The following KLHL1 variants were observed in gnomAD, a reference collection of about 807,000 sequenced individuals.
KLHL1 encodes kelch like family member 1.
Under a neutral mutation model 77.7 loss-of-function variants are expected in KLHL1, and 47 were observed. The ratio of observed to expected loss-of-function variants is 0.60; its 90% confidence interval spans 0.48 to 0.77. The LOEUF (loss-of-function observed/expected upper bound fraction) is 0.77, where lower values mean the gene tolerates loss of function less well. Among genes scored for constraint, KLHL1 ranks in the 30% least tolerant of loss-of-function variants. KLHL1 has a pLI of 0.00. For missense variants in KLHL1, 925 were observed against 910.8 expected (o/e 1.02, Z -0.20); for synonymous variants, 360 against 325.2 (o/e 1.11, Z -1.15).
At chr13:69,934,983 T>TATATAC (rs1883130977) in intron 4 of KLHL1, among the ~76,000 whole-genome samples, 1 of 135,350 alleles carries the variant, frequency 7.4e-6, no homozygotes, top group African/African-American at 3.1e-5. Flanking sequence ...TATATATATA[T>TATATAC]ATATATGTAT....
At chr13:70,100,456 A>G (rs1000618966) in intron 1 of KLHL1, among the ~76,000 whole-genome samples, 1 of 151,922 alleles carries the variant, frequency 6.6e-6, no homozygotes, top group Non-Finnish European at 1.5e-5. Context: ...AAAAAGTTTT[A>G]TTTCTTCATT....
At chr13:69,838,907 A>C (rs564687418) in intron 6 of KLHL1, 69 bp downstream of exon 6, 52 of 1,017,914 alleles carry the variant, frequency 5.1e-5, no homozygotes, top group African/African-American at 6.6e-5. Flanking sequence ...TAGTATCACC[A>C]TTACAATATA....
At chr13:69,836,510 T>C (rs1878996100) in intron 6 of KLHL1, among the ~76,000 whole-genome samples, 1 of 152,038 alleles carries the variant, frequency 6.6e-6, no homozygotes, top group Non-Finnish European at 1.5e-5. Flanking sequence ...GGCCCTGGTA[T>C]AAACATTGAA....
At chr13:70,016,886 C>A (rs1462344709) in intron 1 of KLHL1, among the ~76,000 whole-genome samples, 2 of 152,102 alleles carry the variant, frequency 1.3e-5, no homozygotes, top group East Asian at 3.9e-4. Context: ...GCATGTACTT[C>A]CTCCTTTCTG....
At chr13:70,001,618 C>T (rs202145323) in intron 1 of KLHL1, among the ~76,000 whole-genome samples, 21 of 87,550 alleles carry the variant, frequency 2.4e-4, no homozygotes, top group African/African-American at 4.7e-4. Context: ...TATCTATCTA[C>T]CTATCATCTT....
intron 2 of KLHL1, among the ~76,000 whole-genome samples, chr13:69,963,017 T>A (rs1884113889): frequency 6.6e-6 from 1 of 152,162 alleles, no homozygotes; most frequent in South Asian, 2.1e-4. Context: ...TTTCCAAAGT[T>A]TTTTTCACTT....
rs1888083397 is a variant in KLHL1, at chr13:70,107,208, T to A, written c.492A>T (p.Gly164=). 2 of 1,606,958 alleles carry A rather than the reference T, an allele frequency of 1.2e-6. No homozygotes were observed. The highest frequency in any genetic ancestry group is 1.7e-6 in the Non-Finnish European group (2 of 1,176,222). ...CCCGTGGGGACTTACTGTACCTGTGTCCACATCCTTCACCTGTTGCCTGGC... is the reference window on the plus strand; with the variant it reads ...CCCGTGGGGACTTACTGTACCTGTGACCACATCCTTCACCTGTTGCCTGGC... The part of the protein sequence containing the change: ...NSSQATGEGC[G]HRLSSTGHSM... The change falls in exon 1 of 11, where the codon GGA becomes GGT. Residue 164 remains glycine (G), a synonymous_variant. Transcript: ENST00000377844.
chr13:69,993,737 T>G (rs866078613), intron 1 of KLHL1, among the ~76,000 whole-genome samples: 16 of 152,150 alleles, frequency 1.1e-4, no homozygotes, highest in African/African-American at 3.6e-4. Flanking sequence ...TACTGCAATA[T>G]CTAGGTAAAA....
intron 1 of KLHL1, among the ~76,000 whole-genome samples, chr13:70,046,595 C>A (rs577938452): frequency 6.6e-6 from 1 of 152,196 alleles, no homozygotes; most frequent in Non-Finnish European, 1.5e-5. Flanking sequence ...TCAAGCGATT[C>A]GCGTGCTTCA....
intron 7 of KLHL1, among the ~76,000 whole-genome samples, chr13:69,787,876 C>T (rs1876642331): frequency 6.6e-6 from 1 of 152,186 alleles, no homozygotes; most frequent in Non-Finnish European, 1.5e-5. Flanking sequence ...GAAAAGAAGA[C>T]ATTTATGCAG....
intron 8 of KLHL1, among the ~76,000 whole-genome samples, chr13:69,729,231 C>A (rs1221301661): frequency 6.6e-6 from 1 of 152,018 alleles, no homozygotes; most frequent in Non-Finnish European, 1.5e-5. Context: ...GGCATATATA[C>A]CCCTTAGCTT....
chr13:69,809,379 C>A (rs1487895542), intron 6 of KLHL1, among the ~76,000 whole-genome samples: 1 of 152,042 alleles, frequency 6.6e-6, no homozygotes, highest in Non-Finnish European at 1.5e-5. Context: ...ATCTTACAAG[C>A]CAAAAGATAT....
chr13:69,755,116 T>TG (rs1874650236), intron 7 of KLHL1, among the ~76,000 whole-genome samples: 1 of 152,038 alleles, frequency 6.6e-6, no homozygotes, highest in African/African-American at 2.4e-5. Context: ...GATTGGGTCA[T>TG]GGGGGTGGAT....
At chr13:69,746,910 T>A (rs555008201) in intron 7 of KLHL1, among the ~76,000 whole-genome samples, 2 of 152,100 alleles carry the variant, frequency 1.3e-5, no homozygotes, top group Admixed American at 6.6e-5. Flanking sequence ...GATGCATTTG[T>A]GTAAGCCTCC....
At chr13:69,837,744 G>T (rs1879085285) in intron 6 of KLHL1, among the ~76,000 whole-genome samples, 1 of 148,872 alleles carries the variant, frequency 6.7e-6, no homozygotes, top group African/African-American at 2.5e-5. Flanking sequence ...TCACCATCCA[G>T]ATTCTGTCTT....
chr13:69,712,772 T>TGG (rs796919925), intron 9 of KLHL1, among the ~76,000 whole-genome samples: 9 of 52,938 alleles, frequency 1.7e-4, no homozygotes, highest in African/African-American at 5.5e-4. Flanking sequence ...TTTTTTTTTT[T>TGG]GGGGGGGGGG....
intron 7 of KLHL1, among the ~76,000 whole-genome samples, chr13:69,783,079 C>A (rs529362421): frequency 6.6e-6 from 1 of 152,214 alleles, no homozygotes; most frequent in Admixed American, 6.5e-5. Flanking sequence ...CTGGAGTGGA[C>A]CTCTAGCAAA....
At chr13:69,916,303 T>A (rs9529656) in intron 4 of KLHL1, among the ~76,000 whole-genome samples, 2 of 145,170 alleles carry the variant, frequency 1.4e-5, no homozygotes, top group Non-Finnish European at 1.5e-5. Flanking sequence ...ATGTTTATTG[T>A]GGCACTATTC....
chr13:70,035,214 A>G (rs1044158742), intron 1 of KLHL1, among the ~76,000 whole-genome samples: 1 of 152,152 alleles, frequency 6.6e-6, no homozygotes. Context: ...ATCAACAGAC[A>G]AATTGTGGTA....
Sources: allele counts gnomAD v4.1 joint callset (sites outside exome capture counted in the v4.1 genomes callset), GRCh38; gene constraint gnomAD v4.1.1; transcripts MANE v1.5; gene names NCBI Gene and HGNC (gene_info 2026-07-23, HGNC 2026-07-21).